Variants in ITGA3 observed in about 807,000 individuals in gnomAD.
ITGA3 encodes the protein integrin alpha-3.
A neutral mutation model predicts 131.1 loss-of-function variants in ITGA3; 70 were observed. That is an observed-to-expected ratio of 0.53 (90% CI 0.44 to 0.65). ITGA3 has a LOEUF of 0.65. Among genes scored for constraint, ITGA3 ranks in the 30% least tolerant of loss-of-function variants. The pLI is 0.00. For missense variants in ITGA3, 1,098 were observed against 1,388.6 expected, an observed-to-expected ratio of 0.79 and a Z score of 3.33; for synonymous variants, 537 against 571.6, an observed-to-expected ratio of 0.94 and a Z score of 0.86.
At chr17:50,089,071 T>C in intron 25 of ITGA3, 39 bp from the exon 26 acceptor site, 1 of 1,579,120 alleles carries the variant, frequency 6.3e-7, no homozygotes, top group Non-Finnish European at 8.7e-7. Context: ...GCTCAAACTC[T>C]GGATGCTAAT....
chr17:50,075,685 T>C lies in ITGA3; in HGVS notation c.1624T>C (p.Phe542Leu). 1 of 1,614,176 alleles carries C rather than the reference T, an allele frequency of 6.2e-7. No individual in the cohort carries two copies. Among genetic ancestry groups the C allele is most frequent in the Non-Finnish European group, 8.5e-7 (1 of 1,180,020 alleles). Residue 542 changes from phenylalanine to leucine, a missense_variant, in exon 12 of 26, where the codon TTC becomes CTC. Around this residue, in one of 3 missense-constraint regions of ITGA3, gnomAD observed 699 missense variants for 829.2 expected, o/e 0.84. Coordinates refer to ENST00000320031, the MANE Select transcript of ITGA3 (RefSeq NM_002204.4). The stretch of plus-strand genomic sequence containing the variant: ...CAGTGAGTCCGCTGTCTTCCACGGC[T>C]TCTTCTCCATGCCCGAGATGCGCTG... The part of the protein sequence containing the change: ...AGSESAVFHG[F>L]FSMPEMRCQK...
rs1908258004 is a variant in ITGA3 at position 50,064,818 on chromosome 17, G to A, written c.414+211G>A. On this transcript the variant is annotated intron_variant, in intron 3 of 25. Coordinates refer to ENST00000320031, the MANE Select transcript of ITGA3 (RefSeq NM_002204.4). The surrounding 1 kb of genome is among the most constrained non-coding windows in gnomAD (Gnocchi z 4.4). ...CTGTGCTCTCCCAAACCCCCGCACGGCCTGAGTTCTCTGACTCATCCACTT... is the reference window on the plus strand; with the variant it reads ...CTGTGCTCTCCCAAACCCCCGCACGACCTGAGTTCTCTGACTCATCCACTT... 2 of 514,470 alleles carry A rather than the reference G, an allele frequency of 3.9e-6. No homozygotes were observed. The highest frequency in any genetic ancestry group is 6.9e-6 in the Non-Finnish European group (2 of 290,160). 31.9% of individuals were successfully genotyped at this position (514,470 alleles called of 1,614,324 possible).
chr17:50,071,779 G>C, intron 6 of ITGA3: 1 of 616,698 alleles, frequency 1.6e-6, no homozygotes. Context: ...CCTGCATGGC[G>C]TCTCCATGAC....
rs1909015245 is a variant in ITGA3 at position 50,078,267 on chromosome 17, C to G, written c.2280C>G (p.Leu760=). The G allele has an allele frequency of 6.2e-6, 10 of 1,613,788 alleles. No homozygotes were observed. Among genetic ancestry groups the G allele is most frequent in the African/African-American group, 1.3e-5 (1 of 74,894 alleles). Residue 760 remains leucine, a synonymous_variant, in exon 18 of 26, where the codon CTC becomes CTG. Coordinates refer to ENST00000320031, the MANE Select transcript of ITGA3 (RefSeq NM_002204.4). ...MILTLLVDYT[L]QTSLSMVNHR... is the part of the protein sequence containing the mutation. ...TCACTCTGCTGGTGGACTATACACT[C>G]CAGACCTCGCTTAGCATGTGGGTAC...
chr17:50,066,555 G>A (rs1001962490), intron 3 of ITGA3, among the ~76,000 whole-genome samples: 6 of 151,826 alleles, frequency 4.0e-5, no homozygotes, highest in Non-Finnish European at 7.4e-5. Flanking sequence ...CAGGAGGATC[G>A]TTTGAGCCTA....
Position 50,090,418 on chromosome 17 carries a change from C to A in ITGA3, c.*1340C>A, listed in dbSNP as rs1431307098. ...TACTGTAGCAGGGGAATTCCCTCCC[C>A]CTCCTTGTGCCTTCTTTGTATATAG... On this transcript the variant is annotated 3_prime_UTR_variant, in exon 26 of 26. Transcript: ENST00000320031. 3.3e-6 allele frequency: 1 copy of A among 303,210 alleles called. No individual in the cohort carries two copies. The highest frequency in any genetic ancestry group is 2.6e-5 in the South Asian group (1 of 38,904). The allele number at this position is 303,210 out of a possible 1,614,324, so 18.8% of individuals were successfully genotyped here.
chr17:50,088,190 C>T (rs201717210), intron 24 of ITGA3, 35 bp from the exon 25 acceptor site: 3 of 1,543,308 alleles, frequency 1.9e-6, no homozygotes, highest in Admixed American at 2.0e-5. Flanking sequence ...CCAGCGCCCC[C>T]CTGATGGCCC....
chr17:50,060,857 T>C (rs1299309319), intron 1 of ITGA3, among the ~76,000 whole-genome samples: 3 of 152,192 alleles, frequency 2.0e-5, no homozygotes, highest in Non-Finnish European at 2.9e-5. Flanking sequence ...GGACCAGACC[T>C]AAAAGCAGGT....
At chr17:50,080,197 G>A in intron 21 of ITGA3, 65 bp from the exon 22 acceptor site, 2 of 995,252 alleles carry the variant, frequency 2.0e-6, no homozygotes, top group Middle Eastern at 4.2e-4. Context: ...GGGAGGTAAG[G>A]AGCAAGGCAT....
rs1195525835 is a variant in ITGA3, at chr17:50,079,174, C to T, written c.2499C>T (p.Pro833=). ...GCAATGGCAAGTGGCTGCTGTATCCCACGGAGATCACCGTCCATGGCAATG... is the reference window on the plus strand; with the variant it reads ...GCAATGGCAAGTGGCTGCTGTATCCTACGGAGATCACCGTCCATGGCAATG... ...EVSNGKWLLY[P]TEITVHGNGS... Residue 833 remains proline (P), a synonymous_variant, in exon 20 of 26, where the codon CCC becomes CCT. Coordinates refer to ENST00000320031, the MANE Select transcript of ITGA3 (RefSeq NM_002204.4). 6.2e-7 allele frequency: 1 copy of T among 1,613,912 alleles called. No homozygotes were observed. Among genetic ancestry groups the T allele is most frequent in the Non-Finnish European group, 8.5e-7 (1 of 1,179,988 alleles).
rs953735828 is a variant in ITGA3, at chr17:50,077,123, T to G, written c.2070+2T>G. 6.5e-7 allele frequency: 1 copy of G among 1,540,294 alleles called. No individual in the cohort carries two copies. The highest frequency in any genetic ancestry group is 8.8e-7 in the Non-Finnish European group (1 of 1,137,346). The stretch of plus-strand genomic sequence containing the variant: ...CTGCTGCTGTCCTCAGTGCGCCCCG[T>G]GAGTGCCCGCCGGCCGGCTCAGAGC... On this transcript the variant is annotated splice_donor_variant, in intron 15 of 25. Coordinates refer to ENST00000320031, the MANE Select transcript of ITGA3 (RefSeq NM_002204.4). LOFTEE classifies it high-confidence loss of function.
rs924184541 is a variant in ITGA3, at chr17:50,064,501, G to A, written c.335-27G>A. 25 of 1,599,066 alleles carry A rather than the reference G, an allele frequency of 1.6e-5. No individual in the cohort carries two copies. Among genetic ancestry groups the A allele is most frequent in the Non-Finnish European group, 2.0e-5 (24 of 1,173,206 alleles). ...CACTGAAGTATGGGTGAGGTGCTCT[G>A]ATTCATGATCCTTCCGGTGCCCACA... On this transcript the variant is annotated intron_variant, in intron 2 of 25. Transcript: ENST00000320031. The surrounding 1 kb of genome is among the most constrained non-coding windows in gnomAD (Gnocchi z 4.4).
chr17:50,081,605 A>T (rs1370021432), intron 23 of ITGA3, among the ~76,000 whole-genome samples, 197 bp downstream of exon 23: 1 of 152,108 alleles, frequency 6.6e-6, no homozygotes, highest in East Asian at 1.9e-4. Flanking sequence ...GGATTCCGGG[A>T]TTGCTGTGTT....
At chr17:50,073,644 A>T (rs1908738503) in intron 7 of ITGA3, among the ~76,000 whole-genome samples, 1 of 151,840 alleles carries the variant, frequency 6.6e-6, no homozygotes, top group African/African-American at 2.4e-5. Context: ...GCACACACGC[A>T]CACACACTGA....
intron 7 of ITGA3, among the ~76,000 whole-genome samples, chr17:50,073,491 T>C (rs1908721454): frequency 6.6e-6 from 1 of 152,020 alleles, no homozygotes; most frequent in Non-Finnish European, 1.5e-5. Context: ...CTTGGGAGGC[T>C]GAGGTGGGAG....
intron 1 of ITGA3, among the ~76,000 whole-genome samples, chr17:50,060,081 C>T (rs1359709574): frequency 6.6e-6 from 1 of 152,138 alleles, no homozygotes; most frequent in East Asian, 1.9e-4. Flanking sequence ...GCAAGGCTGG[C>T]ATAGAGCTGG....
intron 7 of ITGA3, among the ~76,000 whole-genome samples, chr17:50,072,972 T>C (rs968074689): frequency 4.0e-5 from 6 of 151,430 alleles, no homozygotes; most frequent in Admixed American, 1.3e-4. Context: ...TCCCAGGACA[T>C]AGCTGAGAAC....
In ITGA3 at chr17:50,089,270, C is replaced by T. The variant is rs1909605212; in HGVS notation, c.*192C>T. On this transcript the variant is annotated 3_prime_UTR_variant, in exon 26 of 26. Coordinates refer to ENST00000320031, the MANE Select transcript of ITGA3 (RefSeq NM_002204.4). ...ACTCGGGACCAATACTACTGACGTC[C>T]TCCCTGATCCCACCCCCTCCTCCCC... 1.2e-6 allele frequency: 2 copies of T among 1,611,164 alleles called. No homozygotes were observed. Among genetic ancestry groups the T allele is most frequent in the Non-Finnish European group, 1.7e-6 (2 of 1,178,532 alleles).
intron 7 of ITGA3, among the ~76,000 whole-genome samples, chr17:50,073,593 A>C (rs1406744297): frequency 6.9e-6 from 1 of 144,160 alleles, no homozygotes; most frequent in Non-Finnish European, 1.5e-5. Context: ...ACTGTCTATA[A>C]ACACACACAC....
Sources: gnomAD v4.1 joint callset for allele counts (sites outside exome capture counted in the v4.1 genomes callset) on GRCh38, gnomAD v4.1.1 for gene constraint, gnomAD v4.1.1 regional missense constraint, Gnocchi (gnomAD v3.1) non-coding constraint, MANE v1.5 for transcripts, NCBI Gene and HGNC (gene_info 2026-07-23, HGNC 2026-07-21) for gene names.